Variants in TPCN2 observed in about 807,000 individuals in gnomAD.
TPCN2 encodes two pore segment channel 2.
Under a neutral mutation model 111.4 loss-of-function variants are expected in TPCN2, and 92 were observed. That is an observed-to-expected ratio of 0.83 (90% CI 0.70 to 0.98). TPCN2 has a LOEUF of 0.98. TPCN2 is among the 50% of genes least tolerant of loss of function. The pLI, the probability that TPCN2 is intolerant of heterozygous loss-of-function variation, is 0.00. For missense variants in TPCN2, 995 were observed against 980.1 expected (o/e 1.02, Z -0.20); for synonymous variants, 405 against 414.5 (o/e 0.98, Z 0.28).
chr11:69,074,771 A>C (rs1034457010), intron 13 of TPCN2, among the ~76,000 whole-genome samples: 1 of 152,230 alleles, frequency 6.6e-6, no homozygotes, highest in African/African-American at 2.4e-5. Context: ...AGGCAGACAC[A>C]GGCTGGGAGA....
intron 20 of TPCN2, 115 bp from the exon 21 acceptor site, chr11:69,085,556 C>T: frequency 1.3e-6 from 1 of 784,956 alleles, no homozygotes; most frequent in East Asian, 2.4e-5. Flanking sequence ...GCCTCTGTAT[C>T]CCAATTTGTA....
intron 17 of TPCN2, 41 bp downstream of exon 17, chr11:69,079,924 G>A: frequency 6.2e-7 from 1 of 1,603,480 alleles, no homozygotes; most frequent in South Asian, 1.1e-5. Flanking sequence ...ACAGCAAACA[G>A]CACCACCACC....
intron 5 of TPCN2, among the ~76,000 whole-genome samples, chr11:69,060,039 G>A (rs1204505664): frequency 6.6e-6 from 1 of 152,254 alleles, no homozygotes; most frequent in Non-Finnish European, 1.5e-5. Context: ...GATGCCCATG[G>A]TGGGCGTTCA....
intron 20 of TPCN2, among the ~76,000 whole-genome samples, 186 bp from the exon 21 acceptor site, chr11:69,085,485 T>C (rs898122363): frequency 3.3e-5 from 5 of 151,808 alleles, no homozygotes; most frequent in African/African-American, 1.2e-4. Flanking sequence ...AGCCCTTGCC[T>C]GGAGTCTGCT....
chr11:69,073,048 G>A (rs772892065), intron 13 of TPCN2, 47 bp downstream of exon 13: 1 of 1,402,800 alleles, frequency 7.1e-7, no homozygotes, highest in Admixed American at 1.7e-5. Flanking sequence ...GGGCCTTCCA[G>A]TTTCCCCTGC....
chr11:69,086,757 G>A (rs1289770870), intron 23 of TPCN2, among the ~76,000 whole-genome samples, 153 bp downstream of exon 23: 2 of 144,736 alleles, frequency 1.4e-5, no homozygotes, highest in Non-Finnish European at 3.0e-5. Flanking sequence ...AGCCCCTCCC[G>A]TGGGGCTCAG....
chr11:69,049,365 G>C (rs1396844172), intron 1 of TPCN2, among the ~76,000 whole-genome samples: 1 of 152,200 alleles, frequency 6.6e-6, no homozygotes, highest in Non-Finnish European at 1.5e-5. Flanking sequence ...GCTGGGCGAA[G>C]AGGCCCTCGC....
chr11:69,070,373 T>G, intron 8 of TPCN2, 57 bp from the exon 9 acceptor site: 1 of 1,341,844 alleles, frequency 7.5e-7, no homozygotes, highest in Non-Finnish European at 1.1e-6. Context: ...AGCGTCAGGA[T>G]GGGAGTGGGA....
In TPCN2 at chr11:69,053,455, C is replaced by T. The variant is rs188379063; in HGVS notation, c.110-578C>T. 4.1e-3 allele frequency among the ~76,000 whole-genome samples: 619 copies of T among 151,792 alleles called. 4 individuals are homozygous for T. Among genetic ancestry groups the T allele is most frequent in the African/African-American group, 0.014 (595 of 41,408 alleles). The stretch of plus-strand genomic sequence containing the variant: ...CAGTTCTCCCTGTCACTGTTGAATC[C>T]GAGGTCTGGTTTGATGGGGGTGGGT... On this transcript the variant is annotated intron_variant, in intron 1 of 24. Transcript: ENST00000294309.
chr11:69,063,084 C>T, intron 6 of TPCN2, 94 bp downstream of exon 6: 1 of 1,108,270 alleles, frequency 9.0e-7, no homozygotes, highest in Non-Finnish European at 1.4e-6. Context: ...GGAGTCTCAT[C>T]TTGGACTGCG....
rs1030397410 is a variant in TPCN2, at chr11:69,090,193, G to C, written c.*2240G>C. On this transcript the variant is annotated 3_prime_UTR_variant, in exon 25 of 25. Transcript: ENST00000294309. Reference sequence around the variant, plus strand: ...TGCACGTACTTCCATCTCTCTCTCTGTCTCATCTATTCACAGCTGGGAATG... The same window carrying C: ...TGCACGTACTTCCATCTCTCTCTCTCTCTCATCTATTCACAGCTGGGAATG... The C allele has an allele frequency of 1.4e-4, 18 of 129,428 alleles. No homozygotes were observed. Among genetic ancestry groups the C allele is most frequent in the Non-Finnish European group, 3.0e-4 (16 of 53,234 alleles). 8.0% of individuals were successfully genotyped at this position (129,428 alleles called of 1,614,324 possible). A position where few individuals can be genotyped will look rare whatever the true frequency, so the allele number is the denominator to read the frequency against.
rs1280021457 is a variant in TPCN2, at chr11:69,057,571, C to T, written c.430-7C>T. 3.1e-6 allele frequency: 5 copies of T among 1,613,628 alleles called. No individual in the cohort carries two copies. The highest frequency in any genetic ancestry group is 4.2e-6 in the Non-Finnish European group (5 of 1,179,626). ...ACTTGCTGCTCACCCGCCCGTCTAT[C>T]TTGCAGGGTTACCTGTTCGGGTGGG... is the stretch of plus-strand genomic sequence containing the variant. On this transcript the variant is annotated splice_polypyrimidine_tract_variant and splice_region_variant and intron_variant, in intron 4 of 24. Transcript: ENST00000294309.
At chr11:69,074,921 T>C (rs1855688298) in intron 13 of TPCN2, among the ~76,000 whole-genome samples, 1 of 152,200 alleles carries the variant, frequency 6.6e-6, no homozygotes, top group South Asian at 2.1e-4. Context: ...TGTCCAGAGC[T>C]GACTCTCCCA....
intron 19 of TPCN2, among the ~76,000 whole-genome samples, chr11:69,084,527 G>A (rs1303066046): frequency 6.6e-6 from 1 of 152,184 alleles, no homozygotes; most frequent in Non-Finnish European, 1.5e-5. Flanking sequence ...GAGCCCATCT[G>A]CTCTGCCTGG....
intron 24 of TPCN2, among the ~76,000 whole-genome samples, chr11:69,087,644 C>T (rs3750967): frequency 0.017 from 2,631 of 152,304 alleles, 106 homozygotes; most frequent in East Asian, 0.12. Context: ...CAGCCAAGCC[C>T]TGCGGTCCTG....
intron 13 of TPCN2, among the ~76,000 whole-genome samples, chr11:69,076,238 C>T (rs1390945689): frequency 6.6e-6 from 1 of 152,206 alleles, no homozygotes; most frequent in African/African-American, 2.4e-5. Context: ...ACTGGCTTCC[C>T]CGGGCTGCGG....
intron 7 of TPCN2, among the ~76,000 whole-genome samples, chr11:69,064,320 C>T (rs974315155): frequency 2.0e-5 from 3 of 150,058 alleles, no homozygotes; most frequent in Non-Finnish European, 1.5e-5. Context: ...CGCCCTTCCC[C>T]GCCAGGCTAT....
At chr11:69,072,887 C>A in intron 12 of TPCN2, 28 bp from the exon 13 acceptor site, 1 of 1,595,240 alleles carries the variant, frequency 6.3e-7, no homozygotes, top group Non-Finnish European at 8.6e-7. Context: ...CCGTGCGCCC[C>A]TGCTGACCTG....
intron 13 of TPCN2, among the ~76,000 whole-genome samples, chr11:69,074,598 T>A (rs1350205028): frequency 6.6e-6 from 1 of 152,124 alleles, no homozygotes; most frequent in Non-Finnish European, 1.5e-5. Flanking sequence ...TCTTAGCGGC[T>A]GTCGTAGGCT....
Sources: allele counts gnomAD v4.1 joint callset (sites outside exome capture counted in the v4.1 genomes callset), GRCh38; gene constraint gnomAD v4.1.1; transcripts MANE v1.5; gene names NCBI Gene and HGNC (gene_info 2026-07-23, HGNC 2026-07-21).